The following SPIDR variants were observed in gnomAD, a reference collection of about 807,000 sequenced individuals.
The protein encoded by SPIDR is DNA repair-scaffolding protein.
In SPIDR, 93 loss-of-function variants were observed where a neutral mutation model predicts 104.6. That is an observed-to-expected ratio of 0.89 (90% CI 0.75 to 1.06). The LOEUF (loss-of-function observed/expected upper bound fraction) is 1.06. SPIDR is among the 50% of genes least tolerant of loss of function. SPIDR has a pLI of 0.00. For missense variants in SPIDR, 1,154 were observed against 1,111.2 expected, an observed-to-expected ratio of 1.04 and a Z score of -0.55; for synonymous variants, 431 against 416.9, an observed-to-expected ratio of 1.03 and a Z score of -0.41.
intron 10 of SPIDR, among the ~76,000 whole-genome samples, chr8:47,627,003 G>A (rs1326986486): frequency 2.6e-5 from 4 of 152,202 alleles, no homozygotes; most frequent in Non-Finnish European, 4.4e-5. Flanking sequence ...GTCCAACAGC[G>A]ATAGACTGGA....
chr8:47,445,291 T>C (rs2070351260), intron 8 of SPIDR, among the ~76,000 whole-genome samples: 1 of 152,198 alleles, frequency 6.6e-6, no homozygotes, highest in Non-Finnish European at 1.5e-5. Flanking sequence ...TTCATAATTA[T>C]TATCTATTAT....
chr8:47,547,297 A>G, intron 8 of SPIDR: 1 of 576,234 alleles, frequency 1.7e-6, no homozygotes, highest in Non-Finnish European at 3.4e-6. Context: ...GATGAGACGA[A>G]AATTCTCTCC....
chr8:47,692,905 A>G (rs960269635), intron 11 of SPIDR, among the ~76,000 whole-genome samples: 4 of 152,148 alleles, frequency 2.6e-5, no homozygotes, highest in African/African-American at 9.7e-5. Context: ...TTCTGTGTGG[A>G]TGTCAGTTCT....
chr8:47,707,123 G>A lies in SPIDR; in HGVS notation c.1977+5108G>A, dbSNP rs1036458127. ...CAAAAAATTAGCTGGGTATGGTGGT[G>A]CACGCCTGTAGTCCCAGCTACTTGG... On this transcript the variant is annotated intron_variant, in intron 14 of 19. Coordinates refer to ENST00000297423, the MANE Select transcript of SPIDR (RefSeq NM_001080394.4). Among the ~76,000 whole-genome samples, 5 of 151,412 alleles carry A rather than the reference G, an allele frequency of 3.3e-5. No individual in the cohort carries two copies. The South Asian group carries it at 8.4e-4, about 25-fold the overall frequency.
intron 3 of SPIDR, 33 bp downstream of exon 3, chr8:47,284,127 A>C: frequency 6.6e-7 from 1 of 1,517,442 alleles, no homozygotes. Context: ...GACAGAGAAG[A>C]TATAAGACTA....
intron 8 of SPIDR, among the ~76,000 whole-genome samples, chr8:47,510,427 C>A (rs1463834185): frequency 2.0e-5 from 3 of 152,020 alleles, no homozygotes; most frequent in Non-Finnish European, 4.4e-5. Context: ...CAAGTTTATT[C>A]CAAGGAAATT....
chr8:47,383,302 G>C (rs577956783), intron 5 of SPIDR, among the ~76,000 whole-genome samples: 24 of 152,216 alleles, frequency 1.6e-4, no homozygotes, highest in African/African-American at 5.8e-4. Context: ...CCATTATCCT[G>C]GCTGGCATGA....
At chr8:47,597,805 A>T (rs1015445197) in intron 9 of SPIDR, among the ~76,000 whole-genome samples, 6 of 152,200 alleles carry the variant, frequency 3.9e-5, no homozygotes, top group African/African-American at 9.7e-5. Flanking sequence ...ACTAAAATTC[A>T]CTTGCTGTGG....
intron 7 of SPIDR, among the ~76,000 whole-genome samples, chr8:47,424,486 C>T (rs1445535577): frequency 1.3e-5 from 2 of 151,696 alleles, no homozygotes; most frequent in Non-Finnish European, 2.9e-5. Flanking sequence ...AAAAAAATTT[C>T]TTTTTTTTCT....
At chr8:47,531,984 A>G (rs1451790735) in intron 8 of SPIDR, among the ~76,000 whole-genome samples, 1 of 152,174 alleles carries the variant, frequency 6.6e-6, no homozygotes, top group Non-Finnish European at 1.5e-5. Context: ...CAAATAGTAG[A>G]TATCAGTCCT....
chr8:47,299,459 T>C (rs1277676488), intron 5 of SPIDR, among the ~76,000 whole-genome samples: 1 of 152,158 alleles, frequency 6.6e-6, no homozygotes, highest in East Asian at 1.9e-4. Context: ...TCCTGCCTGA[T>C]TGCCCTGGCC....
intron 10 of SPIDR, among the ~76,000 whole-genome samples, chr8:47,669,366 A>G (rs2075473795): frequency 6.6e-6 from 1 of 152,204 alleles, no homozygotes; most frequent in Admixed American, 6.5e-5. Flanking sequence ...GTGGAATGCC[A>G]CAGTTCCAAT....
chr8:47,307,438 C>T (rs1219901761), intron 5 of SPIDR, among the ~76,000 whole-genome samples: 1 of 150,970 alleles, frequency 6.6e-6, no homozygotes, highest in Non-Finnish European at 1.5e-5. Flanking sequence ...CAGCTGGACT[C>T]GAACTCCTGA....
chr8:47,270,816 T>C (rs2035155223), intron 1 of SPIDR, among the ~76,000 whole-genome samples: 1 of 152,188 alleles, frequency 6.6e-6, no homozygotes, highest in African/African-American at 2.4e-5. Context: ...CTTTTTTTGA[T>C]CTATTGGCTG....
intron 8 of SPIDR, among the ~76,000 whole-genome samples, chr8:47,466,898 A>AGT (rs1242893166): frequency 6.9e-5 from 6 of 86,868 alleles, no homozygotes; most frequent in African/African-American, 2.4e-4. Context: ...AAAAAAAAAA[A>AGT]AAATATATAT....
At chr8:47,322,971 G>A (rs555772504) in intron 5 of SPIDR, among the ~76,000 whole-genome samples, 2 of 152,214 alleles carry the variant, frequency 1.3e-5, no homozygotes, top group African/African-American at 4.8e-5. Flanking sequence ...ATAGCATTAG[G>A]AGGTATACCT....
chr8:47,647,442 C>G (rs2070613248), intron 10 of SPIDR, among the ~76,000 whole-genome samples: 1 of 152,060 alleles, frequency 6.6e-6, no homozygotes, highest in African/African-American at 2.4e-5. Flanking sequence ...TGGTGAAAAC[C>G]TATCTCTACT....
At chr8:47,440,639 G>C in intron 8 of SPIDR, 97 bp downstream of exon 8, 2 of 1,227,994 alleles carry the variant, frequency 1.6e-6, no homozygotes, top group East Asian at 4.9e-5. Context: ...CTTTATCATA[G>C]AGCAATGCGA....
chr8:47,312,319 A>C, intron 5 of SPIDR, among the ~76,000 whole-genome samples: 1 of 152,286 alleles, frequency 6.6e-6, no homozygotes, highest in Non-Finnish European at 1.5e-5. Flanking sequence ...TGGTTGAACT[A>C]GTTTACACTC....
Sources: allele counts gnomAD v4.1 joint callset (sites outside exome capture counted in the v4.1 genomes callset), GRCh38; gene constraint gnomAD v4.1.1; transcripts MANE v1.5; gene names NCBI Gene and HGNC (gene_info 2026-07-23, HGNC 2026-07-21).